TBX21: variants seen among roughly 807,000 people sequenced by gnomAD.
TBX21 encodes the protein T-box transcription factor TBX21.
A neutral mutation model predicts 52.2 loss-of-function variants in TBX21; 11 were observed. The observed-to-expected ratio is 0.21, with a 90% CI of 0.13 to 0.35. The LOEUF (loss-of-function observed/expected upper bound fraction) is 0.35, where lower values mean the gene tolerates loss of function less well. Among genes scored for constraint, TBX21 ranks in the 10% least tolerant of loss-of-function variants. The probability of loss-of-function intolerance (pLI) is 1.00; values close to 1 mark genes in which losing one functional copy is unlikely to be tolerated. For synonymous variants in TBX21, 300 were observed against 316.1 expected (o/e 0.95, Z 0.54); for missense variants, 625 against 755.1 (o/e 0.83, Z 2.02).
rs759136182 is a variant in TBX21 at position 47,744,821 on chromosome 17, T to G, written c.1063T>G (p.Tyr355Asp). Residue 355 changes from tyrosine (Y) to aspartate (D), a missense_variant, in exon 6 of 6, where the codon TAC (tyrosine) becomes GAC (aspartate). By Grantham distance (160) the Tyr-to-Asp change is radical (BLOSUM62 -3). Around this residue, in one of 4 missense-constraint regions of TBX21, gnomAD observed 261 missense variants for 275.1 expected, o/e 0.95. Transcript: ENST00000177694. The stretch of plus-strand genomic sequence containing the variant: ...CTGTCAATTCCTTGGGGGAGATCAC[T>G]ACTCTCCTCTCCTACCCAACCAGTA... ...PNCQFLGGDH[Y>D]SPLLPNQYPV... 5.0e-6 allele frequency: 8 copies of G among 1,614,094 alleles called. No homozygotes were observed. Among genetic ancestry groups the G allele is most frequent in the Non-Finnish European group, 6.8e-6 (8 of 1,180,028 alleles).
rs746185082 is a variant in TBX21 at position 47,745,238 on chromosome 17, G to A, written c.1480G>A (p.Glu494Lys). The A allele has an allele frequency of 6.6e-5, 107 of 1,614,160 alleles. No homozygotes were observed. The highest frequency in any genetic ancestry group is 8.6e-5 in the Non-Finnish European group (102 of 1,180,062). ...GGAATCCAGTGATTCAGGACTGGGC[G>A]AAGGAGACTCTAAGAGGAGGCGCGT... Reference protein sequence around the residue: ...RPESSDSGLGEGDSKRRRVSP... With the variant: ...RPESSDSGLGKGDSKRRRVSP... Residue 494 changes from glutamate to lysine, a missense_variant, in exon 6 of 6, where the codon GAA (glutamate) becomes AAA (lysine). Transcript: ENST00000177694.
intron 1 of TBX21, among the ~76,000 whole-genome samples, chr17:47,741,886 C>T (rs1042482016): frequency 6.6e-6 from 1 of 152,124 alleles, no homozygotes; most frequent in Non-Finnish European, 1.5e-5. Flanking sequence ...GGTGTAAATA[C>T]TCCTGCTATG....
rs969078496 is a variant in TBX21 at position 47,733,767 on chromosome 17, G to C, written c.313G>C (p.Gly105Arg). 5.3e-6 allele frequency: 8 copies of C among 1,506,750 alleles called. No homozygotes were observed. The highest frequency in any genetic ancestry group is 3.5e-6 in the Non-Finnish European group (4 of 1,130,326). 93.3% of individuals were successfully genotyped at this position (1,506,750 alleles called of 1,614,324 possible). A position where few individuals can be genotyped will look rare whatever the true frequency, so the allele number is the denominator to read the frequency against. ...PPADAEGYQP[G>R]EGYAAPDPRA... ...CGCGGACGCCGAGGGCTACCAGCCG[G>C]GCGAGGGCTACGCCGCCCCGGACCC... Residue 105 changes from glycine to arginine, a missense_variant, in exon 1 of 6, where the codon GGC (glycine) becomes CGC (arginine). Coordinates refer to ENST00000177694, the MANE Select transcript of TBX21 (RefSeq NM_013351.2). This position sits in a 1 kb window ranked among gnomAD's most constrained non-coding sequence, Gnocchi z 6.6.
At chr17:47,737,550 T>C (rs2032219825) in intron 1 of TBX21, among the ~76,000 whole-genome samples, 1 of 152,190 alleles carries the variant, frequency 6.6e-6, no homozygotes, top group South Asian at 2.1e-4. Flanking sequence ...TTTAATTTTT[T>C]TATTTGTAAT....
intron 1 of TBX21, among the ~76,000 whole-genome samples, chr17:47,737,243 C>T (rs2032217139): frequency 6.6e-6 from 1 of 151,776 alleles, no homozygotes; most frequent in East Asian, 1.9e-4. Flanking sequence ...AATGTGTTGG[C>T]GAGTATATAA....
chr17:47,743,249 C>A (rs1274812078), intron 3 of TBX21, 57 bp downstream of exon 3: 21 of 1,600,154 alleles, frequency 1.3e-5, no homozygotes, highest in Non-Finnish European at 1.7e-5. Flanking sequence ...GGGTCTGAGA[C>A]CTCCAAGGCC....
At chr17:47,744,660 G>A (rs1003538012) in intron 5 of TBX21, 88 bp from the exon 6 acceptor site, 6 of 1,599,006 alleles carry the variant, frequency 3.8e-6, no homozygotes, top group Admixed American at 1.7e-5. Context: ...AGGGAAGGAG[G>A]GTCGGAGAAG....
At chr17:47,736,358 T>C (rs2143423506) in intron 1 of TBX21, among the ~76,000 whole-genome samples, 1 of 152,322 alleles carries the variant, frequency 6.6e-6, no homozygotes, top group African/African-American at 2.4e-5. Context: ...TTCTAGATAT[T>C]ATTTTATCTC....
intron 1 of TBX21, among the ~76,000 whole-genome samples, chr17:47,738,435 G>T (rs2032231942): frequency 6.6e-6 from 1 of 152,126 alleles, no homozygotes; most frequent in South Asian, 2.1e-4. Context: ...GTGGATCTGA[G>T]GTTGGTAAGA....
chr17:47,736,143 GT>G (rs202193472), intron 1 of TBX21, among the ~76,000 whole-genome samples: 2,388 of 152,214 alleles, frequency 0.016, 58 homozygotes, highest in African/African-American at 0.055. Flanking sequence ...CACTTGACAA[GT>G]TTTTTTGTCC....
rs879081046 is a variant in TBX21 at position 47,742,536 on chromosome 17, G to A, written c.492-74G>A. 6.7e-7 allele frequency: 1 copy of A among 1,489,004 alleles called. No homozygotes were observed. 92.2% of individuals were successfully genotyped at this position (1,489,004 alleles called of 1,614,324 possible). A position where few individuals can be genotyped will look rare whatever the true frequency, so the allele number is the denominator to read the frequency against. ...CGGCTACAGCACACCACTGATGCCT[G>A]GGCACTGTTGCAGGGGGGACTGGCT... On this transcript the variant is annotated intron_variant, in intron 1 of 5. Transcript: ENST00000177694. This position sits in a 1 kb window ranked among gnomAD's most constrained non-coding sequence, Gnocchi z 4.4.
chr17:47,735,408 C>A (rs1226284784), intron 1 of TBX21, among the ~76,000 whole-genome samples: 1 of 152,156 alleles, frequency 6.6e-6, no homozygotes, highest in African/African-American at 2.4e-5. Context: ...CTGCTCCCCC[C>A]AACCCTAGTC....
chr17:47,734,877 C>A (rs1376696799), intron 1 of TBX21, among the ~76,000 whole-genome samples: 2 of 151,788 alleles, frequency 1.3e-5, no homozygotes, highest in Admixed American at 6.6e-5. Context: ...GAGCCCCGTG[C>A]GTGATGGGGA....
At chr17:47,734,010 T>C in intron 1 of TBX21, 65 bp downstream of exon 1, 1 of 1,607,540 alleles carries the variant, frequency 6.2e-7, no homozygotes, top group Non-Finnish European at 8.5e-7. Context: ...GTCTCGTCTG[T>C]TTTTCTGGCT....
chr17:47,741,307 A>C (rs974477513), intron 1 of TBX21, among the ~76,000 whole-genome samples: 2 of 151,662 alleles, frequency 1.3e-5, no homozygotes, highest in Non-Finnish European at 2.9e-5. Flanking sequence ...GGGTGGTTAC[A>C]GTGCTACTGG....
rs752687196 is a variant in TBX21, at chr17:47,745,113, G to A, written c.1355G>A (p.Arg452Gln). Residue 452 changes from arginine to glutamine, a missense_variant, in exon 6 of 6, where the codon CGG becomes CAG. Physicochemically the swap from Arg to Gln is conservative, Grantham distance 43. Coordinates refer to ENST00000177694, the MANE Select transcript of TBX21 (RefSeq NM_013351.2). The part of the protein sequence containing the change: ...MGPASWFRPM[R>Q]TLPMEPGPGG... Reference sequence around the variant, plus strand: ...CCGGCCAGCTGGTTCCGCCCTATGCGGACTCTGCCCATGGAACCCGGCCCT... The same window carrying A: ...CCGGCCAGCTGGTTCCGCCCTATGCAGACTCTGCCCATGGAACCCGGCCCT... 9.3e-6 allele frequency: 15 copies of A among 1,613,916 alleles called. No individual in the cohort carries two copies. Among genetic ancestry groups the A allele is most frequent in the Middle Eastern group, 1.6e-4 (1 of 6,084 alleles).
intron 1 of TBX21, among the ~76,000 whole-genome samples, chr17:47,739,853 C>T (rs577589686): frequency 6.7e-6 from 1 of 149,782 alleles, no homozygotes; most frequent in Non-Finnish European, 1.5e-5. Context: ...TGCAGTGAGC[C>T]GAGATCACAC....
At position 47,733,883 on chromosome 17, in the gene TBX21, C is replaced by T; in HGVS notation, c.429C>T (p.Asn143=). The T allele has an allele frequency of 6.2e-7, 1 of 1,613,626 alleles. No individual in the cohort carries two copies. The highest frequency in any genetic ancestry group is 8.5e-7 in the Non-Finnish European group (1 of 1,179,936). The change falls in exon 1 of 6, where the codon AAC becomes AAT. Residue 143 remains asparagine (N), a synonymous_variant. Transcript: ENST00000177694. The surrounding 1 kb of genome is among the most constrained non-coding windows in gnomAD (Gnocchi z 6.6). ...GGAAACTGAGGGTCGCGCTCAACAACCACCTGTTGTGGTCCAAGTTTAATC... is the reference window on the plus strand; with the variant it reads ...GGAAACTGAGGGTCGCGCTCAACAATCACCTGTTGTGGTCCAAGTTTAATC... ...VSGKLRVALN[N]HLLWSKFNQH...
rs1411837930 is a variant in TBX21 at position 47,742,271 on chromosome 17, G to A, written c.492-339G>A. Among the ~76,000 whole-genome samples the A allele has an allele frequency of 6.6e-6, 1 of 152,006 alleles. No individual in the cohort carries two copies. The highest frequency in any genetic ancestry group is 1.5e-5 in the Non-Finnish European group (1 of 67,988). On this transcript the variant is annotated intron_variant, in intron 1 of 5. Transcript: ENST00000177694. This position sits in a 1 kb window ranked among gnomAD's most constrained non-coding sequence, Gnocchi z 4.4. ...TGTTGTTGTACTTTTTAGTAGAGACGGGGTTTCGCCATGTTGGCCAGGCTG... is the reference window on the plus strand; with the variant it reads ...TGTTGTTGTACTTTTTAGTAGAGACAGGGTTTCGCCATGTTGGCCAGGCTG...
Sources: gnomAD v4.1 joint callset for allele counts (sites outside exome capture counted in the v4.1 genomes callset) on GRCh38, gnomAD v4.1.1 for gene constraint, gnomAD v4.1.1 regional missense constraint, Gnocchi (gnomAD v3.1) non-coding constraint, MANE v1.5 for transcripts, NCBI Gene and HGNC (gene_info 2026-07-23, HGNC 2026-07-21) for gene names.